The following CEP72 variants were observed in gnomAD, a reference collection of about 807,000 sequenced individuals.
CEP72 encodes centrosomal protein of 72 kDa.
Under a neutral mutation model 65.7 loss-of-function variants are expected in CEP72, and 78 were observed. That is an observed-to-expected ratio of 1.19 (90% confidence interval 0.99 to 1.43). CEP72 has a LOEUF of 1.43. CEP72 is among the 40% of genes most tolerant of loss of function. The pLI, the probability that CEP72 is intolerant of heterozygous loss-of-function variation, is 0.00. For missense variants in CEP72, 914 were observed against 832.9 expected (o/e 1.10, Z -1.20); for synonymous variants, 358 against 351.7 (o/e 1.02, Z -0.20).
intron 9 of CEP72, chr5:643,546 C>T (rs1738203541): frequency 1.0e-6 from 1 of 985,398 alleles, no homozygotes. Context: ...CGGCGATACC[C>T]CCAGCACGAG....
intron 4 of CEP72, among the ~76,000 whole-genome samples, chr5:625,178 C>T (rs1032386416): frequency 5.3e-5 from 8 of 152,178 alleles, no homozygotes; most frequent in African/African-American, 1.2e-4. Flanking sequence ...ATAGTATCTG[C>T]GTGTATCCCA....
chr5:624,358 G>T lies in CEP72; in HGVS notation c.404-113G>T. ...CAGCATTCCGGTGCTAGGTTAGTGG[G>T]AGCAGGGCTGGCCCCGAGGGGATGG... is the stretch of plus-strand genomic sequence containing the variant. On this transcript the variant is annotated intron_variant, in intron 3 of 11. Transcript: ENST00000264935. This position sits in a 1 kb window ranked among gnomAD's most constrained non-coding sequence, Gnocchi z 4.7. The T allele has an allele frequency of 1.4e-6, 1 of 703,686 alleles. No homozygotes were observed. The highest frequency in any genetic ancestry group is 1.6e-5 in the South Asian group (1 of 60,646). 43.6% of individuals were successfully genotyped at this position (703,686 alleles called of 1,614,324 possible).
intron 3 of CEP72, 82 bp downstream of exon 3, chr5:620,343 C>A: frequency 8.5e-7 from 1 of 1,177,128 alleles, no homozygotes; most frequent in Non-Finnish European, 1.2e-6. Flanking sequence ...TGTCTGTGTG[C>A]TCAACGTCAC....
At chr5:618,270 G>T (rs374182105) in intron 1 of CEP72, among the ~76,000 whole-genome samples, 1 of 152,180 alleles carries the variant, frequency 6.6e-6, no homozygotes, top group Non-Finnish European at 1.5e-5. Flanking sequence ...TTCCTTGCTC[G>T]TCAGTGCTGA....
intron 2 of CEP72, chr5:665,137 C>T (rs1379933580): frequency 1.9e-6 from 3 of 1,612,676 alleles, no homozygotes; most frequent in Non-Finnish European, 1.7e-6. Flanking sequence ...TCGTAGGTGC[C>T]TGCGTGCTTG....
Position 624,650 on chromosome 5 carries a change from G to A in CEP72, c.512+71G>A, listed in dbSNP as rs972964831. 1.5e-5 allele frequency: 16 copies of A among 1,080,590 alleles called. No homozygotes were observed. The highest frequency in any genetic ancestry group is 6.3e-5 in the South Asian group (5 of 78,774). The allele number at this position is 1,080,590 out of a possible 1,614,324, so 66.9% of individuals were successfully genotyped here. A position where few individuals can be genotyped will look rare whatever the true frequency, so the allele number is the denominator to read the frequency against. Reference sequence around the variant, plus strand: ...CTGCTGTCAGGAGGATTAACCGAACGTCATTCACTGTGTGCCGGTCACTCT... The same window carrying A: ...CTGCTGTCAGGAGGATTAACCGAACATCATTCACTGTGTGCCGGTCACTCT... On this transcript the variant is annotated intron_variant, in intron 4 of 11. Coordinates refer to ENST00000264935, the MANE Select transcript of CEP72 (RefSeq NM_018140.4). The surrounding 1 kb of genome is among the most constrained non-coding windows in gnomAD (Gnocchi z 4.7).
At chr5:612,693 T>G in intron 1 of CEP72, 7 of 703,940 alleles carry the variant, frequency 9.9e-6, no homozygotes, top group Non-Finnish European at 1.2e-5. Context: ...GGTCACTGGT[T>G]CCGTGACTGG....
chr5:612,439 C>A lies in CEP72; in HGVS notation c.78C>A (p.Asp26Glu). Residue 26 changes from aspartate (D) to glutamate (E), a missense_variant, in exon 1 of 12, where the codon GAC becomes GAA. Asp to Glu is a conservative substitution (Grantham distance 45). Coordinates refer to ENST00000264935, the MANE Select transcript of CEP72 (RefSeq NM_018140.4). ...RAKSGLGPHR[D>E]LAELQSLSIP... is the part of the protein sequence containing the mutation. ...AGAGCGGCTTAGGGCCTCACCGCGA[C>A]CTGGGTGCGCCGGAGGGCGGGCGGG... 1 of 1,450,050 alleles carries A rather than the reference C, an allele frequency of 6.9e-7. No homozygotes were observed. The highest frequency in any genetic ancestry group is 9.1e-7 in the Non-Finnish European group (1 of 1,102,202). The allele number at this position is 1,450,050 out of a possible 1,614,324, so 89.8% of individuals were successfully genotyped here.
the CEP72 span, among the ~76,000 whole-genome samples, chr5:674,362 G>A: frequency 1.3e-5 from 2 of 152,176 alleles, no homozygotes; most frequent in South Asian, 4.1e-4. Context: ...GGGCACAGGG[G>A]CCCTGGCAGC....
downstream of CEP72, among the ~76,000 whole-genome samples, chr5:659,059 A>AG (rs2126845671): frequency 1.3e-5 from 2 of 151,958 alleles, no homozygotes; most frequent in South Asian, 4.2e-4. Context: ...TTCCCTCTTC[A>AG]CTTTTGCCAC....
chr5:639,192 G>T lies in CEP72; in HGVS notation c.1310G>T (p.Cys437Phe). 1.2e-6 allele frequency: 2 copies of T among 1,604,168 alleles called. No individual in the cohort carries two copies. Among genetic ancestry groups the T allele is most frequent in the Non-Finnish European group, 1.7e-6 (2 of 1,173,664 alleles). Residue 437 changes from cysteine (C) to phenylalanine (F), a missense_variant, in exon 8 of 12, where the codon TGC becomes TTC. Coordinates refer to ENST00000264935, the MANE Select transcript of CEP72 (RefSeq NM_018140.4). ...LDLVDRSWGG[C>F]RSLHSNEAFL... Reference sequence around the variant, plus strand: ...CTGGTGGACAGGAGCTGGGGCGGCTGCAGGTCCCTGCACAGCAACGAGGCA... The same window carrying T: ...CTGGTGGACAGGAGCTGGGGCGGCTTCAGGTCCCTGCACAGCAACGAGGCA...
intron 3 of CEP72, among the ~76,000 whole-genome samples, chr5:620,651 CT>C (rs747104307): frequency 5.3e-5 from 8 of 152,250 alleles, no homozygotes; most frequent in Non-Finnish European, 8.8e-5. Flanking sequence ...AGGATGCTGC[CT>C]GGTTTTGCCC....
intron 7 of CEP72, among the ~76,000 whole-genome samples, chr5:638,784 G>A (rs1737798080): frequency 6.6e-6 from 1 of 152,164 alleles, no homozygotes; most frequent in Non-Finnish European, 1.5e-5. Flanking sequence ...ACTGCGGCCT[G>A]GATGTGTCTT....
At chr5:621,974 A>G (rs1008671192) in intron 3 of CEP72, among the ~76,000 whole-genome samples, 1 of 152,202 alleles carries the variant, frequency 6.6e-6, no homozygotes, top group Non-Finnish European at 1.5e-5. Context: ...GGGTTTTGCC[A>G]TGTTGGCCAG....
At chr5:619,491 C>T (rs1218882900) in intron 2 of CEP72, among the ~76,000 whole-genome samples, 3 of 151,998 alleles carry the variant, frequency 2.0e-5, no homozygotes, top group Admixed American at 1.3e-4. Flanking sequence ...CTGACAGAAC[C>T]GTGGGATGCG....
chr5:658,645 A>ATTTTTT (rs70955278), downstream of CEP72, among the ~76,000 whole-genome samples: 17 of 55,984 alleles, frequency 3.0e-4, 2 homozygotes, highest in Non-Finnish European at 3.4e-4. Flanking sequence ...AGCAAAGCTG[A>ATTTTTT]TTTTTTTTTT....
chr5:629,664 C>A (rs1737088431), intron 4 of CEP72, among the ~76,000 whole-genome samples: 1 of 68,600 alleles, frequency 1.5e-5, no homozygotes, highest in Non-Finnish European at 2.6e-5. Flanking sequence ...TGACCCAGTC[C>A]TGGTGGGGTT....
At chr5:676,381 A>AGCTGGTAGATGGGGC in the CEP72 span, 1 of 152,218 alleles carries the variant, frequency 6.6e-6, no homozygotes, top group Non-Finnish European at 1.5e-5. Flanking sequence ...GCCCACCCAG[A>AGCTGGTAGATGGGGC]GCTGGTAGAT....
Position 620,251 on chromosome 5 carries a change from C to T in CEP72, c.393C>T (p.Leu131=). The T allele has an allele frequency of 1.2e-6, 2 of 1,613,294 alleles. No individual in the cohort carries two copies. The highest frequency in any genetic ancestry group is 1.7e-6 in the Non-Finnish European group (2 of 1,179,236). Reference sequence around the variant, plus strand: ...TTGTTGTGCACCTGCTCCCCAAGCTCCAGCAGCTGGGTAGGCATCAGGCAG... The same window carrying T: ...TTGTTGTGCACCTGCTCCCCAAGCTTCAGCAGCTGGGTAGGCATCAGGCAG... ...RLFVVHLLPK[L]QQLDDRPVRA... is the part of the protein sequence containing the mutation. The change falls in exon 3 of 12, where the codon CTC becomes CTT. Residue 131 remains leucine (L), a synonymous_variant. Transcript: ENST00000264935.
Sources: gnomAD v4.1 joint callset for allele counts (sites outside exome capture counted in the v4.1 genomes callset) on GRCh38, gnomAD v4.1.1 for gene constraint, Gnocchi (gnomAD v3.1) non-coding constraint, MANE v1.5 for transcripts, NCBI Gene and HGNC (gene_info 2026-07-23, HGNC 2026-07-21) for gene names.